Variants in SMUG1 observed in about 807,000 individuals in gnomAD.
SMUG1 encodes single-strand selective monofunctional uracil DNA glycosylase.
Under a neutral mutation model 23.9 loss-of-function variants are expected in SMUG1, and 13 were observed. That is an observed-to-expected ratio of 0.54 (90% CI 0.35 to 0.86). The LOEUF (loss-of-function observed/expected upper bound fraction) is 0.86, where lower values mean the gene tolerates loss of function less well. SMUG1 is among the 40% of genes least tolerant of loss of function. The pLI is 0.01. For synonymous variants in SMUG1, 133 were observed against 139.8 expected (o/e 0.95, Z 0.34); for missense variants, 313 against 339.5 (o/e 0.92, Z 0.61).
chr12:54,173,257 A>G, intron 2 of SMUG1: 1 of 153,934 alleles, frequency 6.5e-6, no homozygotes, highest in East Asian at 1.9e-4. Flanking sequence ...GCGAGAGAGC[A>G]AACGGGAGAG....
chr12:54,166,595 C>T (rs1940472369), intron 3 of SMUG1, among the ~76,000 whole-genome samples: 1 of 152,190 alleles, frequency 6.6e-6, no homozygotes, highest in Non-Finnish European at 1.5e-5. Flanking sequence ...GCTGTGAGGG[C>T]TGCTCCTGGC....
intron 3 of SMUG1, among the ~76,000 whole-genome samples, chr12:54,171,286 C>A (rs1049118414): frequency 6.6e-6 from 1 of 151,292 alleles, no homozygotes; most frequent in Non-Finnish European, 1.5e-5. Context: ...AGGTGTGAGC[C>A]ACCACGCCTG....
At chr12:54,182,786 G>C (rs1174874254) in intron 3 of SMUG1, 163 bp from the exon 4 acceptor site, 13 of 1,354,566 alleles carry the variant, frequency 9.6e-6, no homozygotes, top group Non-Finnish European at 1.3e-5. Context: ...CCTATGGTTT[G>C]AGCCTGTCTG....
chr12:54,171,581 T>A (rs1940619581), intron 3 of SMUG1, among the ~76,000 whole-genome samples: 1 of 148,894 alleles, frequency 6.7e-6, no homozygotes, highest in Non-Finnish European at 1.5e-5. Flanking sequence ...TCCCAGCTAG[T>A]CCGGAGGCTG....
intron 3 of SMUG1, among the ~76,000 whole-genome samples, chr12:54,169,316 C>T (rs990260945): frequency 6.6e-6 from 1 of 152,068 alleles, no homozygotes; most frequent in Admixed American, 6.6e-5. Flanking sequence ...ATGGCTAGGA[C>T]TGTACCAGTG....
downstream of SMUG1, chr12:54,180,315 A>G (rs1166871695): frequency 1.3e-5 from 2 of 152,044 alleles, no homozygotes; most frequent in African/African-American, 4.8e-5. Flanking sequence ...AAACAAAGAT[A>G]CTCCTATTAC....
chr12:54,169,458 A>T (rs6580977), intron 3 of SMUG1, among the ~76,000 whole-genome samples: 97,053 of 150,440 alleles, frequency 0.65, 31,401 homozygotes, highest in South Asian at 0.79. Context: ...CTGAGCTACT[A>T]GGTAGGTTAG....
downstream of SMUG1, among the ~76,000 whole-genome samples, chr12:54,161,621 T>C (rs1389175923): frequency 6.6e-6 from 1 of 152,260 alleles, no homozygotes; most frequent in East Asian, 1.9e-4. The surrounding 1 kb of genome is among the most constrained non-coding windows in gnomAD (Gnocchi z 4.2). Flanking sequence ...TATTTTCTTC[T>C]AATTCTGTTC....
rs377626853 is a variant in SMUG1 at position 54,181,597 on chromosome 12, T to G, written c.*499A>C. The G allele has an allele frequency of 1.8e-5, 28 of 1,577,286 alleles. No individual in the cohort carries two copies. Among genetic ancestry groups the G allele is most frequent in the Non-Finnish European group, 2.3e-5 (27 of 1,168,900 alleles). On this transcript the variant is annotated 3_prime_UTR_variant, in exon 4 of 4. Coordinates refer to ENST00000682136, the MANE Select transcript of SMUG1 (RefSeq NM_001243787.2). ...TTTTTCCTCTGATCCAGCTGCAGCC[T>G]CCCATAAGAAGTTCACTCTTAATTT...
intron 4 of SMUG1, among the ~76,000 whole-genome samples, chr12:54,159,546 C>T (rs1940173586): frequency 6.6e-6 from 1 of 152,240 alleles, no homozygotes; most frequent in Non-Finnish European, 1.5e-5. Context: ...CTGGCATTTT[C>T]TCTTCCCCTT....
chr12:54,177,928 G>A (rs1297624592), downstream of SMUG1, among the ~76,000 whole-genome samples: 1 of 152,120 alleles, frequency 6.6e-6, no homozygotes, highest in African/African-American at 2.4e-5. Flanking sequence ...CTGCCGATTT[G>A]TATGTTGAAG....
chr12:54,166,317 C>T (rs548950059), intron 3 of SMUG1, among the ~76,000 whole-genome samples: 2 of 152,162 alleles, frequency 1.3e-5, no homozygotes, highest in Admixed American at 6.5e-5. Context: ...GCCTAGATCA[C>T]GCCATTGTAC....
downstream of SMUG1, among the ~76,000 whole-genome samples, chr12:54,161,247 C>T (rs1392832460): frequency 2.0e-5 from 3 of 152,050 alleles, no homozygotes; most frequent in Non-Finnish European, 2.9e-5. This position sits in a 1 kb window ranked among gnomAD's most constrained non-coding sequence, Gnocchi z 4.2. Context: ...TTTCTCGGCG[C>T]GCAAAGCTAT....
At position 54,182,572 on chromosome 12, in the gene SMUG1, G is replaced by T; in HGVS notation, c.337C>A (p.Pro113Thr). 6.2e-7 allele frequency: 1 copy of T among 1,614,080 alleles called. No individual in the cohort carries two copies. The highest frequency in any genetic ancestry group is 8.5e-7 in the Non-Finnish European group (1 of 1,180,008). ...TGCTCTTGGGGAGGGGTCAGCACAG[G>T]CCCCACAATGCCCAACCAGTCCCGG... ...MVRDWLGIVG[P>T]VLTPPQEHPK... Residue 113 changes from proline (P) to threonine (T), a missense_variant, in exon 4 of 4, where the codon CCT becomes ACT. Coordinates refer to ENST00000682136, the MANE Select transcript of SMUG1 (RefSeq NM_001243787.2).
chr12:54,173,433 A>C (rs1940672798), intron 2 of SMUG1, among the ~76,000 whole-genome samples: 1 of 152,002 alleles, frequency 6.6e-6, no homozygotes, highest in African/African-American at 2.4e-5. Flanking sequence ...AGTGGCGGGA[A>C]GCGGCCGGGA....
chr12:54,168,268 C>T (rs2136538449), intron 3 of SMUG1: 1 of 152,338 alleles, frequency 6.6e-6, no homozygotes, highest in South Asian at 2.1e-4. Context: ...CCTCAATCTT[C>T]ATCATTCTCT....
intron 3 of SMUG1, among the ~76,000 whole-genome samples, chr12:54,169,983 G>A (rs183350467): frequency 3.3e-5 from 5 of 152,244 alleles, no homozygotes; most frequent in East Asian, 1.9e-4. Flanking sequence ...CAGATAACCC[G>A]AGGTCGGTAG....
chr12:54,182,862 C>A (rs1299406099), intron 3 of SMUG1: 2 of 666,454 alleles, frequency 3.0e-6, no homozygotes, highest in Non-Finnish European at 2.4e-6. Flanking sequence ...GCCCAACTAG[C>A]CTTTGGGACT....
chr12:54,183,385 T>C, intron 3 of SMUG1: 1 of 566,502 alleles, frequency 1.8e-6, no homozygotes, highest in Non-Finnish European at 3.1e-6. Flanking sequence ...AAAGTAAGGA[T>C]GGGGCTGGCG....
Sources: allele counts gnomAD v4.1 joint callset (sites outside exome capture counted in the v4.1 genomes callset), GRCh38; gene constraint gnomAD v4.1.1; non-coding constraint Gnocchi (gnomAD v3.1); transcripts MANE v1.5; gene names NCBI Gene and HGNC (gene_info 2026-07-23, HGNC 2026-07-21).